Variants in RBPMS observed in about 807,000 individuals in gnomAD.
RBPMS encodes the protein RNA-binding protein with multiple splicing.
Under a neutral mutation model 26.8 loss-of-function variants are expected in RBPMS, and 7 were observed. That is an observed-to-expected ratio of 0.26 (90% CI 0.15 to 0.49). The LOEUF (loss-of-function observed/expected upper bound fraction) is 0.49. Among genes scored for constraint, RBPMS ranks in the 20% least tolerant of loss-of-function variants. The pLI is 0.98. For synonymous variants in RBPMS, 96 were observed against 93.3 expected, an observed-to-expected ratio of 1.03 and a Z score of -0.17; for missense variants, 186 against 250.0, an observed-to-expected ratio of 0.74 and a Z score of 1.73.
intron 2 of RBPMS, among the ~76,000 whole-genome samples, chr8:30,476,989 A>G (rs1216745309): frequency 1.3e-5 from 2 of 152,214 alleles, no homozygotes; most frequent in African/African-American, 2.4e-5. Context: ...AAGTAACTCA[A>G]CAAAATTCAA....
intron 4 of RBPMS, among the ~76,000 whole-genome samples, chr8:30,492,622 GT>G (rs1488668665): frequency 3.3e-5 from 5 of 152,076 alleles, no homozygotes; most frequent in African/African-American, 4.8e-5. Flanking sequence ...ATGAATGAAA[GT>G]GATTCTCTCA....
intron 1 of RBPMS, among the ~76,000 whole-genome samples, chr8:30,461,409 T>C (rs563377563): frequency 8.9e-4 from 136 of 152,300 alleles, no homozygotes; most frequent in Non-Finnish European, 1.7e-3. Flanking sequence ...TTGTTTGTTT[T>C]TGGGAGATGA....
intron 5 of RBPMS, among the ~76,000 whole-genome samples, chr8:30,522,808 T>A (rs1456675166): frequency 6.6e-6 from 1 of 152,224 alleles, no homozygotes; most frequent in Non-Finnish European, 1.5e-5. Flanking sequence ...AAAAATGGCA[T>A]GACATTTTAG....
chr8:30,475,293 T>C (rs7813272), intron 2 of RBPMS, among the ~76,000 whole-genome samples: 40,008 of 152,144 alleles, frequency 0.26, 5,505 homozygotes, highest in African/African-American at 0.32. Flanking sequence ...CAGTTACCTG[T>C]CCTTCCTATG....
At chr8:30,550,219 C>T (rs1321145374) in intron 6 of RBPMS, among the ~76,000 whole-genome samples, 1 of 152,118 alleles carries the variant, frequency 6.6e-6, no homozygotes. Context: ...GCTTCATTTC[C>T]TTTCTAAGCT....
At chr8:30,548,950 G>C (rs1403280828) in intron 6 of RBPMS, among the ~76,000 whole-genome samples, 1 of 152,244 alleles carries the variant, frequency 6.6e-6, no homozygotes, top group African/African-American at 2.4e-5. Context: ...TAGAGTGTTG[G>C]GGGGTGTCTC....
intron 6 of RBPMS, among the ~76,000 whole-genome samples, chr8:30,549,742 C>CTTCCCT (rs1826147886): frequency 6.9e-6 from 1 of 143,960 alleles, no homozygotes; most frequent in East Asian, 2.1e-4. Flanking sequence ...TTCTTTCTTT[C>CTTCCCT]TTTCTTTCCT....
chr8:30,527,921 G>A lies in RBPMS; in HGVS notation c.398-16573G>A, dbSNP rs1343595771. 2.0e-5 allele frequency among the ~76,000 whole-genome samples: 3 copies of A among 152,214 alleles called. No homozygotes were observed. The South Asian group carries it at 6.2e-4, about 32-fold the overall frequency. On this transcript the variant is annotated intron_variant, in intron 5 of 8. Coordinates refer to ENST00000397323, the MANE Select transcript of RBPMS (RefSeq NM_001008710.3). ...CCAGGCATGGTGGCTCACGCCTGTA[G>A]TCCCAGCACTTCGGGAAGCCAAGGC...
chr8:30,428,991 C>T (rs1026649253), intron 1 of RBPMS, among the ~76,000 whole-genome samples: 4 of 152,162 alleles, frequency 2.6e-5, no homozygotes, highest in Non-Finnish European at 5.9e-5. Context: ...GCATCTGCTT[C>T]TGCTTCTAAG....
intron 5 of RBPMS, among the ~76,000 whole-genome samples, chr8:30,506,269 G>A (rs1308863245): frequency 1.3e-5 from 2 of 150,552 alleles, no homozygotes; most frequent in Non-Finnish European, 2.9e-5. Context: ...GTGCAAAAAT[G>A]GCCAGATAGT....
intron 1 of RBPMS, among the ~76,000 whole-genome samples, chr8:30,423,106 T>C (rs899902154): frequency 5.3e-5 from 8 of 152,190 alleles, no homozygotes; most frequent in African/African-American, 1.9e-4. Flanking sequence ...GGAGAGCTGC[T>C]CAGCCTCACT....
At chr8:30,424,408 T>G (rs1811127405) in intron 1 of RBPMS, among the ~76,000 whole-genome samples, 1 of 152,202 alleles carries the variant, frequency 6.6e-6, no homozygotes, top group African/African-American at 2.4e-5. Flanking sequence ...ATTGTTATAA[T>G]TATTTGAAAG....
chr8:30,536,059 A>G (rs964270013), intron 5 of RBPMS, among the ~76,000 whole-genome samples: 2 of 152,136 alleles, frequency 1.3e-5, no homozygotes, highest in African/African-American at 2.4e-5. Context: ...CTGGAGATAC[A>G]GCAGTAAGCA....
At chr8:30,509,456 C>T (rs921686254) in intron 5 of RBPMS, among the ~76,000 whole-genome samples, 1 of 152,272 alleles carries the variant, frequency 6.6e-6, no homozygotes, top group African/African-American at 2.4e-5. Flanking sequence ...CTGAAGAGAC[C>T]CTGTGAAGGT....
chr8:30,433,700 A>AT (rs1300148567), intron 1 of RBPMS, among the ~76,000 whole-genome samples: 1 of 152,108 alleles, frequency 6.6e-6, no homozygotes, highest in Non-Finnish European at 1.5e-5. Context: ...AAGAGGGTGA[A>AT]TTCTACCTAC....
At chr8:30,566,184 G>A (rs754943713) in intron 7 of RBPMS, 73 bp from the exon 8 acceptor site, 182 of 850,298 alleles carry the variant, frequency 2.1e-4, no homozygotes, top group Non-Finnish European at 2.4e-4. Flanking sequence ...AGAACAGGCC[G>A]GTCTTCAAGA....
intron 6 of RBPMS, among the ~76,000 whole-genome samples, chr8:30,550,954 A>G (rs1475378979): frequency 6.6e-6 from 1 of 152,242 alleles, no homozygotes; most frequent in Non-Finnish European, 1.5e-5. Context: ...AACTGGAGAA[A>G]GAATCACAGG....
At chr8:30,551,349 CAG>C (rs752517636) in intron 6 of RBPMS, among the ~76,000 whole-genome samples, 1 of 152,200 alleles carries the variant, frequency 6.6e-6, no homozygotes, top group African/African-American at 2.4e-5. Context: ...GTTCAGAAAC[CAG>C]AGTCGGTCCC....
chr8:30,481,141 GA>G (rs748890435), intron 4 of RBPMS, among the ~76,000 whole-genome samples: 12 of 152,190 alleles, frequency 7.9e-5, no homozygotes, highest in Non-Finnish European at 1.5e-4. Flanking sequence ...GTTTGTTAAA[GA>G]ATAAAGACAT....
Sources: allele counts gnomAD v4.1 joint callset (sites outside exome capture counted in the v4.1 genomes callset), GRCh38; gene constraint gnomAD v4.1.1; transcripts MANE v1.5; gene names NCBI Gene and HGNC (gene_info 2026-07-23, HGNC 2026-07-21).